The following ZBTB20 variants were observed in gnomAD, a reference collection of about 807,000 sequenced individuals.
ZBTB20 encodes the protein zinc finger and BTB domain-containing protein 20.
A neutral mutation model predicts 56.9 loss-of-function variants in ZBTB20; 9 were observed. The ratio of observed to expected loss-of-function variants is 0.16; its 90% CI spans 0.10 to 0.28. The LOEUF is 0.28. Ranked by LOEUF, ZBTB20 falls within the 10% of genes least tolerant of loss-of-function variation. The pLI is 1.00. For missense variants in ZBTB20, 655 were observed against 1,003.0 expected (o/e 0.65, Z 4.69); for synonymous variants, 417 against 420.7 (o/e 0.99, Z 0.11).
In ZBTB20 at chr3:114,337,720, C is replaced by T. The variant is rs2079507547; in HGVS notation, c.*1285G>A. ...TTAAAAAAAATATGAAGAAAATATC[C>T]TTCCTCTCTTTCAAATATAACTTTA... On this transcript the variant is annotated 3_prime_UTR_variant, in exon 12 of 12. Coordinates refer to ENST00000675478, the MANE Select transcript of ZBTB20 (RefSeq NM_001348800.3). The T allele has an allele frequency of 6.6e-6, 1 of 151,964 alleles. No homozygotes were observed. Among genetic ancestry groups the T allele is most frequent in the South Asian group, 2.1e-4 (1 of 4,816 alleles). 9.4% of individuals were successfully genotyped at this position (151,964 alleles called of 1,614,324 possible). A position where few individuals can be genotyped will look rare whatever the true frequency, so the allele number is the denominator to read the frequency against.
intron 5 of ZBTB20, among the ~76,000 whole-genome samples, chr3:114,701,284 A>ATGGT (rs1332442935): frequency 2.0e-5 from 3 of 152,154 alleles, no homozygotes; most frequent in Admixed American, 2.0e-4. Flanking sequence ...GGAATTTCTG[A>ATGGT]TGGTTTCCTT....
chr3:114,503,874 T>C (rs771570957), intron 6 of ZBTB20, among the ~76,000 whole-genome samples: 2 of 152,154 alleles, frequency 1.3e-5, no homozygotes, highest in Non-Finnish European at 2.9e-5. Flanking sequence ...TATGTAAAGT[T>C]CTACAGCAGT....
chr3:114,828,644 C>G (rs1290954846), intron 4 of ZBTB20, among the ~76,000 whole-genome samples: 2 of 151,828 alleles, frequency 1.3e-5, no homozygotes, highest in East Asian at 3.9e-4. Context: ...AATTCTTCTT[C>G]ACTTTCAGGA....
At chr3:114,809,915 C>A (rs1188984599) in intron 4 of ZBTB20, among the ~76,000 whole-genome samples, 1 of 152,156 alleles carries the variant, frequency 6.6e-6, no homozygotes, top group Non-Finnish European at 1.5e-5. Flanking sequence ...CTCTCTTCCC[C>A]ATGCTGTGCC....
At chr3:114,703,523 C>A (rs1343798761) in intron 5 of ZBTB20, among the ~76,000 whole-genome samples, 1 of 151,846 alleles carries the variant, frequency 6.6e-6, no homozygotes, top group Non-Finnish European at 1.5e-5. Context: ...ATTCAAATAG[C>A]ATTCAAACAC....
At chr3:114,994,631 A>C in intron 2 of ZBTB20, among the ~76,000 whole-genome samples, 1 of 151,948 alleles carries the variant, frequency 6.6e-6, no homozygotes. Context: ...TTATATAGCC[A>C]TCTTTAAGTT....
At chr3:114,354,496 T>C (rs1486996201) in intron 10 of ZBTB20, among the ~76,000 whole-genome samples, 4 of 152,000 alleles carry the variant, frequency 2.6e-5, no homozygotes, top group Non-Finnish European at 4.4e-5. Context: ...TTTGACTGTG[T>C]ATACAACTTT....
intron 5 of ZBTB20, among the ~76,000 whole-genome samples, chr3:114,707,606 G>T (rs1157387350): frequency 6.6e-6 from 1 of 152,160 alleles, no homozygotes. Flanking sequence ...ACCACATGAA[G>T]GACCCTGACC....
rs546764337 is a variant in ZBTB20, at chr3:115,040,372, G to A, written c.-507+30847C>T. The stretch of plus-strand genomic sequence containing the variant: ...TCTTATTCTAGAAGCCTGTGCTCTG[G>A]GAGCACACTGGAATGGCATTTAACT... On this transcript the variant is annotated intron_variant, in intron 2 of 11. Transcript: ENST00000675478. 1.4e-4 allele frequency among the ~76,000 whole-genome samples: 22 copies of A among 152,184 alleles called. 1 individual carries two copies. In the South Asian group the frequency reaches 2.9e-3, roughly 20 times the overall value.
intron 6 of ZBTB20, among the ~76,000 whole-genome samples, chr3:114,598,848 G>A (rs1360292497): frequency 1.3e-5 from 2 of 151,992 alleles, no homozygotes; most frequent in Admixed American, 6.6e-5. Context: ...TCAACAAACA[G>A]CCTTGTAATT....
Position 114,391,466 on chromosome 3 carries a change from C to T in ZBTB20, c.-254-2361G>A, listed in dbSNP as rs141835667. Among the ~76,000 whole-genome samples the T allele has an allele frequency of 3.8e-3, 582 of 152,304 alleles. 3 individuals are homozygous for T. Among genetic ancestry groups the T allele is most frequent in the African/African-American group, 0.013 (561 of 41,578 alleles). ...TCCAAATGCCACCTCATTTATGAAG[C>T]ATTTCACAAAGGAGAGTGCCCTTCT... On this transcript the variant is annotated intron_variant, in intron 7 of 11. Transcript: ENST00000675478.
intron 6 of ZBTB20, among the ~76,000 whole-genome samples, chr3:114,504,038 GA>G (rs988178063): frequency 6.6e-6 from 1 of 152,052 alleles, no homozygotes; most frequent in African/African-American, 2.4e-5. Context: ...AGACAGGGGA[GA>G]AAAACCCTCT....
intron 3 of ZBTB20, among the ~76,000 whole-genome samples, chr3:114,915,429 T>C (rs2075706265): frequency 6.6e-6 from 1 of 152,004 alleles, no homozygotes. Flanking sequence ...GTAACCTTTT[T>C]CAATTTTGAT....
At chr3:114,438,769 A>T (rs994760244) in intron 7 of ZBTB20, among the ~76,000 whole-genome samples, 1 of 152,184 alleles carries the variant, frequency 6.6e-6, no homozygotes, top group Non-Finnish European at 1.5e-5. Flanking sequence ...TTAAAAAATT[A>T]TTAAGAATTT....
intron 7 of ZBTB20, among the ~76,000 whole-genome samples, chr3:114,425,863 C>G (rs2089603768): frequency 6.6e-6 from 1 of 152,226 alleles, no homozygotes; most frequent in South Asian, 2.1e-4. Flanking sequence ...TGTGTAACCA[C>G]AGTCTAATAT....
chr3:114,344,068 C>A (rs2079999041), intron 11 of ZBTB20, among the ~76,000 whole-genome samples: 1 of 152,028 alleles, frequency 6.6e-6, no homozygotes, highest in Non-Finnish European at 1.5e-5. Context: ...ATGGGGGGCC[C>A]ACACACCTGA....
intron 2 of ZBTB20, among the ~76,000 whole-genome samples, chr3:115,068,202 T>A (rs2082277856): frequency 6.6e-6 from 1 of 151,980 alleles, no homozygotes; most frequent in Admixed American, 6.6e-5. Flanking sequence ...TAACCCATTA[T>A]ATAAATAGTA....
chr3:114,453,933 C>G (rs79553301), intron 7 of ZBTB20, among the ~76,000 whole-genome samples: 5 of 113,036 alleles, frequency 4.4e-5, no homozygotes, highest in Admixed American at 9.1e-5. Flanking sequence ...CCCCCCCCCC[C>G]ACCCTTCCCT....
intron 7 of ZBTB20, among the ~76,000 whole-genome samples, chr3:114,464,101 C>T (rs561435632): frequency 1.8e-4 from 28 of 152,296 alleles, no homozygotes; most frequent in African/African-American, 6.5e-4. Context: ...AAATTTCCCG[C>T]TGCCTTCAGT....
Sources: gnomAD v4.1 joint callset for allele counts (sites outside exome capture counted in the v4.1 genomes callset) on GRCh38, gnomAD v4.1.1 for gene constraint, MANE v1.5 for transcripts, NCBI Gene and HGNC (gene_info 2026-07-23, HGNC 2026-07-21) for gene names.